The following SEC14L5 variants were observed in gnomAD, a reference collection of about 807,000 sequenced individuals.
SEC14L5 encodes SEC14-like protein 5.
SEC14L5 carries 96 observed loss-of-function variants against 84.6 expected under a neutral mutation model. That is an observed-to-expected ratio of 1.13 (90% CI 0.96 to 1.34). SEC14L5 has a LOEUF of 1.34. SEC14L5 is among the 40% of genes most tolerant of loss of function. The pLI is 0.00. For missense variants in SEC14L5, 1,224 were observed against 942.5 expected (o/e 1.30, Z -3.91); for synonymous variants, 546 against 383.4 (o/e 1.42, Z -4.95).
At chr16:4,968,155 G>A (rs1258318513) in intron 2 of SEC14L5, among the ~76,000 whole-genome samples, 1 of 151,308 alleles carries the variant, frequency 6.6e-6, no homozygotes, top group Non-Finnish European at 1.5e-5. Flanking sequence ...AAATAGCTGA[G>A]ACCACAGGTG....
chr16:4,990,346 A>G (rs1327792732), intron 4 of SEC14L5, among the ~76,000 whole-genome samples: 1 of 152,194 alleles, frequency 6.6e-6, no homozygotes, highest in Non-Finnish European at 1.5e-5. Context: ...GATTTTTAGT[A>G]GAGATGGAGT....
In SEC14L5 at chr16:4,989,218, C is replaced by T. The variant is rs74005451; in HGVS notation, c.345+938C>T. ...GCCACACTGTCTGTATCTGTAAAAT[C>T]GGGACATTGGCAGATCCTGCCTTGC... On this transcript the variant is annotated intron_variant, in intron 4 of 15. Transcript: ENST00000251170. Among the ~76,000 whole-genome samples, 1,309 of 152,000 alleles carry T rather than the reference C, an allele frequency of 8.6e-3. 13 individuals carry two copies. Among genetic ancestry groups the T allele is most frequent in the African/African-American group, 0.03 (1,234 of 41,476 alleles).
At chr16:4,998,731 C>G (rs1401584898) in intron 8 of SEC14L5, among the ~76,000 whole-genome samples, 3 of 108,068 alleles carry the variant, frequency 2.8e-5, no homozygotes, top group Non-Finnish European at 5.5e-5. Flanking sequence ...GAGCGAGACT[C>G]CGTCTCAAAA....
At chr16:4,987,737 A>C in intron 3 of SEC14L5, 31 bp downstream of exon 3, 1 of 1,247,392 alleles carries the variant, frequency 8.0e-7, no homozygotes, top group Non-Finnish European at 1.0e-6. Context: ...GGGGCGGAGG[A>C]GGGGACCTGT....
At chr16:5,008,379 T>C in intron 13 of SEC14L5, 42 bp from the exon 14 acceptor site, 1 of 1,454,648 alleles carries the variant, frequency 6.9e-7, no homozygotes, top group Non-Finnish European at 9.5e-7. Context: ...CCAGCTCTAC[T>C]CTCTCGGCCG....
At chr16:4,991,172 T>TC (rs1159999879) in intron 5 of SEC14L5, among the ~76,000 whole-genome samples, 2 of 150,346 alleles carry the variant, frequency 1.3e-5, no homozygotes, top group African/African-American at 4.9e-5. Context: ...CTTTTTTTTT[T>TC]TTTTTTTTTT....
intron 2 of SEC14L5, among the ~76,000 whole-genome samples, chr16:4,978,643 C>T (rs80151722): frequency 0.13 from 19,403 of 151,534 alleles, 1,797 homozygotes; most frequent in East Asian, 0.49. Flanking sequence ...CGCTCTGTCA[C>T]CCAGGCTGGA....
chr16:4,980,143 C>G (rs951964219), intron 2 of SEC14L5, among the ~76,000 whole-genome samples: 2 of 152,190 alleles, frequency 1.3e-5, no homozygotes, highest in Admixed American at 6.5e-5. Flanking sequence ...AATGCTAGTT[C>G]CCATCTCACC....
intron 15 of SEC14L5, among the ~76,000 whole-genome samples, chr16:5,011,786 T>G (rs1955807953): frequency 6.6e-6 from 1 of 152,152 alleles, no homozygotes; most frequent in South Asian, 2.1e-4. Flanking sequence ...TGGGAACCAC[T>G]GGAGCCCCAG....
chr16:5,011,024 A>G, intron 14 of SEC14L5, 71 bp from the exon 15 acceptor site: 1 of 1,453,784 alleles, frequency 6.9e-7, no homozygotes, highest in Non-Finnish European at 9.3e-7. Flanking sequence ...TGAGAAGCCC[A>G]TGAAGGCTCA....
At chr16:4,961,132 G>T (rs993307278) in intron 2 of SEC14L5, among the ~76,000 whole-genome samples, 6 of 152,076 alleles carry the variant, frequency 3.9e-5, no homozygotes, top group African/African-American at 1.4e-4. Context: ...AATTAGCCGG[G>T]CGTGGTGGCG....
chr16:4,990,580 A>G (rs1275778885), intron 4 of SEC14L5, among the ~76,000 whole-genome samples, 187 bp from the exon 5 acceptor site: 1 of 152,142 alleles, frequency 6.6e-6, no homozygotes, highest in African/African-American at 2.4e-5. Context: ...TTGTTCCCTG[A>G]CAGTTTGAAC....
rs765045022 is a variant in SEC14L5 at position 5,011,291 on chromosome 16, C to T, written c.1979+18C>T. On this transcript the variant is annotated intron_variant, in intron 15 of 15. Transcript: ENST00000251170. ...GACTTCAGGTAGGAGGGCTCCGGAG[C>T]GGGGTCCTGGGCAGGAAGGACCCTG... is the stretch of plus-strand genomic sequence containing the variant. The T allele has an allele frequency of 2.6e-5, 42 of 1,606,590 alleles. No individual in the cohort carries two copies. Among genetic ancestry groups the T allele is most frequent in the African/African-American group, 5.3e-5 (4 of 74,770 alleles).
chr16:4,994,719 C>G (rs1037425951), intron 6 of SEC14L5, among the ~76,000 whole-genome samples: 6 of 151,898 alleles, frequency 4.0e-5, no homozygotes, highest in East Asian at 1.9e-4. Flanking sequence ...GCTCCTGCCC[C>G]CTCCTGTGCA....
At position 5,014,911 on chromosome 16, in the gene SEC14L5, G is replaced by A. The variant is rs373201837; in HGVS notation, c.2032G>A (p.Ala678Thr). 3.0e-4 allele frequency: 484 copies of A among 1,613,294 alleles called. No individual in the cohort carries two copies. The highest frequency in any genetic ancestry group is 3.8e-4 in the Non-Finnish European group (452 of 1,179,882). The part of the protein sequence containing the change: ...SCTSGFSQLS[A>T]ATSSSSSGQS... ...CACCAGCGGCTTCTCCCAGCTCAGC[G>A]CCGCCACCTCGTCCTCCTCCTCCGG... The change falls in exon 16 of 16, where the codon GCC becomes ACC. Residue 678 changes from alanine (A) to threonine (T), a missense_variant. Coordinates refer to ENST00000251170, the MANE Select transcript of SEC14L5 (RefSeq NM_014692.2).
intron 2 of SEC14L5, among the ~76,000 whole-genome samples, chr16:4,986,893 G>GA (rs1218426263): frequency 6.6e-6 from 1 of 152,162 alleles, no homozygotes; most frequent in African/African-American, 2.4e-5. Flanking sequence ...CAACCTTGCT[G>GA]AACTCATTGA....
At chr16:4,994,682 A>ATTT (rs57838129) in intron 6 of SEC14L5, among the ~76,000 whole-genome samples, 19 of 144,436 alleles carry the variant, frequency 1.3e-4, no homozygotes, top group African/African-American at 2.3e-4. Flanking sequence ...GTATGTGCAC[A>ATTT]TTTTTTTTTT....
chr16:4,965,489 G>T (rs572484353), intron 2 of SEC14L5, among the ~76,000 whole-genome samples: 2 of 150,814 alleles, frequency 1.3e-5, no homozygotes, highest in East Asian at 2.0e-4. Flanking sequence ...GTGAAACCGC[G>T]TCTCTACTAA....
rs375540832 is a variant in SEC14L5, at chr16:4,987,750, C to G, written c.213+44C>G. On this transcript the variant is annotated intron_variant, in intron 3 of 15. Transcript: ENST00000251170. ...GGGGGGCGGAGGAGGGGACCTGTTG[C>G]GGAGGTGCGGGAGGGCTGGGCGCGG... The G allele has an allele frequency of 2.2e-6, 3 of 1,340,522 alleles. No individual in the cohort carries two copies. The Admixed American group carries it at 8.8e-5, about 39-fold the overall frequency. The allele number at this position is 1,340,522 out of a possible 1,614,324, so 83.0% of individuals were successfully genotyped here. A position where few individuals can be genotyped will look rare whatever the true frequency, so the allele number is the denominator to read the frequency against.
Sources: gnomAD v4.1 joint callset for allele counts (sites outside exome capture counted in the v4.1 genomes callset) on GRCh38, gnomAD v4.1.1 for gene constraint, MANE v1.5 for transcripts, NCBI Gene and HGNC (gene_info 2026-07-23, HGNC 2026-07-21) for gene names.